Variants in PLLP observed in about 807,000 individuals in gnomAD.
PLLP encodes plasma membrane proteolipid (plasmolipin).
Under a neutral mutation model 19.7 loss-of-function variants are expected in PLLP, and 15 were observed. The ratio of observed to expected loss-of-function variants is 0.76; its 90% confidence interval spans 0.51 to 1.17. PLLP has a LOEUF of 1.17. PLLP is among the 50% of genes most tolerant of loss of function. PLLP has a pLI of 0.00. For missense variants in PLLP, 255 were observed against 258.3 expected, an observed-to-expected ratio of 0.99 and a Z score of 0.09; for synonymous variants, 111 against 116.3, an observed-to-expected ratio of 0.95 and a Z score of 0.29.
intron 3 of PLLP, among the ~76,000 whole-genome samples, chr16:57,257,865 C>G (rs994443578): frequency 1.3e-5 from 2 of 152,152 alleles, no homozygotes; most frequent in African/African-American, 4.8e-5. Flanking sequence ...TGTGGCACAG[C>G]TGATTTACAA....
intron 1 of PLLP, among the ~76,000 whole-genome samples, chr16:57,275,114 CACACACACACACACAT>C (rs1261240941): frequency 2.5e-5 from 3 of 120,914 alleles, no homozygotes; most frequent in Non-Finnish European, 3.7e-5. Flanking sequence ...CACACACACA[CACACACACACACACAT>C]GCATTTCAGA....
intron 1 of PLLP, among the ~76,000 whole-genome samples, chr16:57,279,285 C>A (rs11865451): frequency 0.49 from 74,978 of 151,506 alleles, 18,913 homozygotes; most frequent in South Asian, 0.7. Flanking sequence ...AGCGTCCAGG[C>A]CTGTGTTCCC....
At chr16:57,283,664 T>G (rs571182292) in intron 1 of PLLP, among the ~76,000 whole-genome samples, 1 of 152,092 alleles carries the variant, frequency 6.6e-6, no homozygotes, top group African/African-American at 2.4e-5. Context: ...TCCGCCTCAG[T>G]TGGGGTCTGT....
intron 1 of PLLP, among the ~76,000 whole-genome samples, chr16:57,262,878 G>A (rs1242291815): frequency 3.3e-5 from 5 of 152,090 alleles, no homozygotes; most frequent in East Asian, 1.9e-4. Flanking sequence ...GCCTCCAGCC[G>A]GCATCCCAGA....
chr16:57,278,908 G>C (rs988000292), intron 1 of PLLP, among the ~76,000 whole-genome samples: 1 of 152,154 alleles, frequency 6.6e-6, no homozygotes, highest in African/African-American at 2.4e-5. Context: ...TCTGCCTCCT[G>C]GGGCCGGAGA....
At chr16:57,258,324 C>A in intron 3 of PLLP, 138 bp downstream of exon 3, 1 of 771,186 alleles carries the variant, frequency 1.3e-6, no homozygotes, top group East Asian at 2.7e-5. Flanking sequence ...CGGCCCGGCT[C>A]CCCTCTAAGA....
intron 1 of PLLP, among the ~76,000 whole-genome samples, chr16:57,266,582 G>T (rs2075457951): frequency 6.6e-6 from 1 of 152,202 alleles, no homozygotes; most frequent in African/African-American, 2.4e-5. Context: ...AAAGACCCAG[G>T]GAGGTGAGGG....
At chr16:57,274,555 C>T (rs1226483834) in intron 1 of PLLP, among the ~76,000 whole-genome samples, 3 of 151,780 alleles carry the variant, frequency 2.0e-5, no homozygotes, top group East Asian at 1.9e-4. Flanking sequence ...GGGGTTCAAG[C>T]GATTCTCATG....
intron 1 of PLLP, among the ~76,000 whole-genome samples, chr16:57,275,590 T>A (rs372537486): frequency 3.7e-3 from 40 of 10,742 alleles, no homozygotes; most frequent in African/African-American, 6.0e-3. Context: ...AGGAATGAAA[T>A]AAAGAAATTC....
At chr16:57,277,948 A>G (rs1227136398) in intron 1 of PLLP, among the ~76,000 whole-genome samples, 1 of 152,146 alleles carries the variant, frequency 6.6e-6, no homozygotes, top group Non-Finnish European at 1.5e-5. Flanking sequence ...AAAGAATAAA[A>G]CAATTCCATC....
chr16:57,263,607 A>G (rs2075448406), intron 1 of PLLP, among the ~76,000 whole-genome samples: 3 of 152,100 alleles, frequency 2.0e-5, no homozygotes, highest in Non-Finnish European at 4.4e-5. Context: ...CTCACTATGC[A>G]GACTGTCTCA....
chr16:57,264,921 C>G (rs2075452520), intron 1 of PLLP, among the ~76,000 whole-genome samples: 1 of 152,220 alleles, frequency 6.6e-6, no homozygotes, highest in Non-Finnish European at 1.5e-5. Flanking sequence ...TAATAAGAAG[C>G]AGGTGTCCAT....
At chr16:57,270,707 C>A (rs1010399921) in intron 1 of PLLP, among the ~76,000 whole-genome samples, 1 of 152,052 alleles carries the variant, frequency 6.6e-6, no homozygotes, top group African/African-American at 2.4e-5. Context: ...CACACCACCC[C>A]CTGACTGTGT....
chr16:57,273,821 C>T (rs1414713104), intron 1 of PLLP, among the ~76,000 whole-genome samples: 1 of 152,208 alleles, frequency 6.6e-6, no homozygotes, highest in Non-Finnish European at 1.5e-5. Context: ...TGTTCTCCTT[C>T]CACTCATAGA....
chr16:57,277,841 G>C (rs1308264447), intron 1 of PLLP, among the ~76,000 whole-genome samples: 1 of 152,192 alleles, frequency 6.6e-6, no homozygotes, highest in African/African-American at 2.4e-5. Context: ...GGGCAGCTGT[G>C]GGGCGTGGTC....
At position 57,262,187 on chromosome 16, in the gene PLLP, CA is replaced by C. The variant is rs2075444033; in HGVS notation, c.136-118del. The C allele has an allele frequency of 8.3e-6, 8 of 963,106 alleles. 1 individual carries two copies. Among genetic ancestry groups the C allele is most frequent in the African/African-American group, 1.6e-5 (1 of 61,762 alleles). The allele number at this position is 963,106 out of a possible 1,614,324, so 59.7% of individuals were successfully genotyped here. On this transcript the variant is annotated intron_variant, in intron 1 of 3. Transcript: ENST00000219207. ...CTGTAATGTCAGCACTTTGGGAGCCCAAGGTGTAATAATCGCTGGAGGCCAG... is the reference window on the plus strand; with the variant it reads ...CTGTAATGTCAGCACTTTGGGAGCCCAGGTGTAATAATCGCTGGAGGCCAG...
Position 57,258,448 on chromosome 16 carries a change from G to A in PLLP, c.432+14C>T, listed in dbSNP as rs772152190. On this transcript the variant is annotated intron_variant, in intron 3 of 3. Coordinates refer to ENST00000219207, the MANE Select transcript of PLLP (RefSeq NM_015993.3). ...CCCTGCAGACCACCAAGGGAGCCTG[G>A]GAAGCAGACTCACCGAGGCAGCCGC... 3.0e-5 allele frequency: 49 copies of A among 1,607,174 alleles called. No individual in the cohort carries two copies. The East Asian group carries it at 1.0e-3, about 33-fold the overall frequency.
chr16:57,283,893 T>C (rs1341357388), intron 1 of PLLP, among the ~76,000 whole-genome samples: 2 of 151,984 alleles, frequency 1.3e-5, no homozygotes, highest in Non-Finnish European at 2.9e-5. Context: ...AGATGAGGAA[T>C]GTTCATGGGT....
intron 3 of PLLP, among the ~76,000 whole-genome samples, chr16:57,257,789 C>T (rs573615536): frequency 2.0e-5 from 3 of 152,298 alleles, no homozygotes; most frequent in South Asian, 2.1e-4. Context: ...GGTTTTTGCA[C>T]GTGCACTTGT....
Sources: gnomAD v4.1 joint callset for allele counts (sites outside exome capture counted in the v4.1 genomes callset) on GRCh38, gnomAD v4.1.1 for gene constraint, MANE v1.5 for transcripts, NCBI Gene and HGNC (gene_info 2026-07-23, HGNC 2026-07-21) for gene names.